SLC8A1: variants seen among roughly 807,000 people sequenced by gnomAD.
SLC8A1 encodes solute carrier family 8 member A1.
Under a neutral mutation model 68.3 loss-of-function variants are expected in SLC8A1, and 18 were observed. The observed-to-expected ratio is 0.26, with a 90% CI of 0.18 to 0.39. SLC8A1 has a LOEUF of 0.39. SLC8A1 is among the 10% of genes least tolerant of loss of function. The pLI, the probability that SLC8A1 is intolerant of heterozygous loss-of-function variation, is 1.00. For synonymous variants in SLC8A1, 475 were observed against 415.5 expected, an observed-to-expected ratio of 1.14 and a Z score of -1.74; for missense variants, 985 against 1,156.7, an observed-to-expected ratio of 0.85 and a Z score of 2.15.
chr2:40,292,688 T>A (rs1255764378), intron 2 of SLC8A1, among the ~76,000 whole-genome samples: 2 of 152,112 alleles, frequency 1.3e-5, no homozygotes, highest in Non-Finnish European at 2.9e-5. Context: ...CTTCAGAAAA[T>A]AATGGTTCCC....
intron 2 of SLC8A1, among the ~76,000 whole-genome samples, chr2:40,414,102 A>G (rs1436103474): frequency 7.3e-6 from 1 of 136,746 alleles, no homozygotes; most frequent in African/African-American, 2.5e-5. Flanking sequence ...TCTCTAATAT[A>G]AATGTGTTGC....
chr2:40,263,018 T>TA (rs2064908103), intron 2 of SLC8A1, among the ~76,000 whole-genome samples: 1 of 152,244 alleles, frequency 6.6e-6, no homozygotes, highest in Non-Finnish European at 1.5e-5. Flanking sequence ...AATAACTTCA[T>TA]GACATGGCTA....
chr2:40,196,785 G>A (rs115755775), intron 2 of SLC8A1, among the ~76,000 whole-genome samples: 1 of 151,836 alleles, frequency 6.6e-6, no homozygotes, highest in Admixed American at 6.6e-5. Context: ...TTTCCATGAC[G>A]CTTTCTTAGA....
chr2:40,186,466 G>A (rs1465711531), intron 2 of SLC8A1, among the ~76,000 whole-genome samples: 1 of 152,096 alleles, frequency 6.6e-6, no homozygotes, highest in Non-Finnish European at 1.5e-5. Context: ...ATCATTTTCT[G>A]TAAGTGACCC....
intron 2 of SLC8A1, among the ~76,000 whole-genome samples, chr2:40,248,776 T>C (rs750928179): frequency 1.1e-4 from 17 of 152,276 alleles, no homozygotes; most frequent in Admixed American, 2.6e-4. Flanking sequence ...AGGAGAAAGA[T>C]TGAAGGTGGG....
chr2:40,229,912 A>C (rs976916254), intron 2 of SLC8A1, among the ~76,000 whole-genome samples: 2 of 152,222 alleles, frequency 1.3e-5, no homozygotes, highest in African/African-American at 4.8e-5. Flanking sequence ...GCAAAAGATA[A>C]ATAAGTTCAT....
rs765809712 is a variant in SLC8A1, at chr2:40,314,460, T to C, written c.1808+114013A>G. 1.3e-4 allele frequency among the ~76,000 whole-genome samples: 20 copies of C among 152,096 alleles called. No homozygotes were observed. In the Middle Eastern group the frequency reaches 0.01, roughly 78 times the overall value. On this transcript the variant is annotated intron_variant, in intron 2 of 7. Transcript: ENST00000406785. ...TTATCCTTTTGTTCTTTTTTTCCAG[T>C]GGTATTTTAGCTATTTTAGGTCCTC... is the stretch of plus-strand genomic sequence containing the variant.
At position 40,475,228 on chromosome 2, in the gene SLC8A1, G is replaced by A. The variant is rs192749923; in HGVS notation, c.-25+37121C>T. ...TGCTCACTGCAAGCTCCGTCTCCCG[G>A]GTTCACGCCATTCTCCTGCCTCAGC... On this transcript the variant is annotated intron_variant, in intron 1 of 7. Coordinates refer to the SLC8A1 transcript ENST00000402441. 7.9e-3 allele frequency among the ~76,000 whole-genome samples: 1,202 copies of A among 152,156 alleles called. 20 individuals are homozygous for A. The highest frequency in any genetic ancestry group is 0.028 in the African/African-American group (1,158 of 41,502).
rs546248986 is a variant in SLC8A1, at chr2:40,196,897, T to C, written c.1809-19042A>G. 5.3e-5 allele frequency among the ~76,000 whole-genome samples: 8 copies of C among 152,172 alleles called. No homozygotes were observed. In the South Asian group the frequency reaches 1.2e-3, roughly 24 times the overall value. ...TTTAAGAGAGAAATTTTCTATCAAG[T>C]CTACTCTCAGTGCATTGATTAGTGG... On this transcript the variant is annotated intron_variant, in intron 2 of 7. Coordinates refer to ENST00000406785, the Ensembl canonical transcript of SLC8A1.
intron 6 of SLC8A1, among the ~76,000 whole-genome samples, chr2:40,147,178 C>G (rs1000289606): frequency 2.6e-5 from 4 of 152,088 alleles, no homozygotes; most frequent in African/African-American, 4.8e-5. Context: ...TCGATTATTA[C>G]CAAAACAAAT....
At chr2:40,285,281 A>G (rs1420640321) in intron 2 of SLC8A1, among the ~76,000 whole-genome samples, 1 of 152,158 alleles carries the variant, frequency 6.6e-6, no homozygotes, top group Non-Finnish European at 1.5e-5. Flanking sequence ...CATCTGACAG[A>G]CGTTCTCTTT....
chr2:40,428,592 T>A, exon 2 of SLC8A1: 6 of 1,613,910 alleles, frequency 3.7e-6, no homozygotes, highest in Non-Finnish European at 5.1e-6. Context: ...GAGCTCCAGA[T>A]GTTCTCAATA....
intron 6 of SLC8A1, among the ~76,000 whole-genome samples, chr2:40,146,056 T>C (rs17501526): frequency 0.37 from 56,105 of 152,014 alleles, 11,699 homozygotes; most frequent in Middle Eastern, 0.52. Context: ...TGATGCAAAG[T>C]AGATGATGTC....
chr2:40,223,575 C>T (rs187889930), intron 2 of SLC8A1: 2 of 151,864 alleles, frequency 1.3e-5, no homozygotes, highest in Admixed American at 6.6e-5. Context: ...GTTTCTTTTC[C>T]AGGGAAAATA....
At chr2:40,219,372 T>C (rs1189861786) in intron 2 of SLC8A1, among the ~76,000 whole-genome samples, 1 of 152,208 alleles carries the variant, frequency 6.6e-6, no homozygotes, top group Admixed American at 6.5e-5. Context: ...CATGGCAAAG[T>C]TTGCTATGGA....
Position 40,421,032 on chromosome 2 carries a change from CTTG to C in SLC8A1, c.1808+7438_1808+7440del, listed in dbSNP as rs946104355. On this transcript the variant is annotated intron_variant, in intron 2 of 7. Transcript: ENST00000406785. ...CGGATACTTTAAGAATAGCATGAAA[CTTG>C]TTGTTTAATAAATCTTAGTGCCATC... Among the ~76,000 whole-genome samples the C allele has an allele frequency of 6.0e-4, 91 of 152,044 alleles. 1 individual carries two copies. Among genetic ancestry groups the C allele is most frequent in the Admixed American group, 5.5e-3 (84 of 15,242 alleles).
At chr2:40,383,825 A>T (rs557422546) in intron 2 of SLC8A1, among the ~76,000 whole-genome samples, 1 of 152,102 alleles carries the variant, frequency 6.6e-6, no homozygotes, top group Non-Finnish European at 1.5e-5. Context: ...AAATTGTCAT[A>T]ATTAATAGCA....
At chr2:40,235,315 G>A (rs1286572953) in intron 2 of SLC8A1, among the ~76,000 whole-genome samples, 2 of 151,926 alleles carry the variant, frequency 1.3e-5, no homozygotes, top group African/African-American at 2.4e-5. Flanking sequence ...ACTTCTTCCT[G>A]GTTTAGTCTT....
intron 2 of SLC8A1, among the ~76,000 whole-genome samples, chr2:40,362,478 C>T (rs1054430110): frequency 6.6e-6 from 1 of 152,040 alleles, no homozygotes; most frequent in African/African-American, 2.4e-5. Flanking sequence ...CATCATTGTG[C>T]TACTATTTTT....
Sources: allele counts gnomAD v4.1 joint callset (sites outside exome capture counted in the v4.1 genomes callset), GRCh38; gene constraint gnomAD v4.1.1; transcripts MANE v1.5; gene names NCBI Gene and HGNC (gene_info 2026-07-23, HGNC 2026-07-21).